The following DENND4C variants were observed in gnomAD, a reference collection of about 807,000 sequenced individuals.
The protein encoded by DENND4C is DENN domain containing 4C.
In DENND4C, 108 loss-of-function variants were observed where a neutral mutation model predicts 203.0. That is an observed-to-expected ratio of 0.53 (90% CI 0.46 to 0.62). The LOEUF is 0.62. DENND4C is among the 20% of genes least tolerant of loss of function. DENND4C has a pLI of 0.00. For missense variants in DENND4C, 2,481 were observed against 2,301.2 expected, an observed-to-expected ratio of 1.08 and a Z score of -1.60; for synonymous variants, 871 against 792.4, an observed-to-expected ratio of 1.10 and a Z score of -1.67.
Position 19,297,489 on chromosome 9 carries a change from A to G in DENND4C, c.1041-567A>G, listed in dbSNP as rs563255693. Among the ~76,000 whole-genome samples the G allele has an allele frequency of 5.9e-5, 9 of 152,282 alleles. No individual in the cohort carries two copies. In the South Asian group the frequency reaches 1.7e-3, roughly 28 times the overall value. On this transcript the variant is annotated intron_variant, in intron 6 of 32. Coordinates refer to ENST00000434457, the MANE Select transcript of DENND4C (RefSeq NM_001330640.2). ...ATGTAACATTAGTGTCAAGTTAGCAACCTTTTGAAAAATTAAGATTCTATG... is the reference window on the plus strand; with the variant it reads ...ATGTAACATTAGTGTCAAGTTAGCAGCCTTTTGAAAAATTAAGATTCTATG...
intron 2 of DENND4C, among the ~76,000 whole-genome samples, chr9:19,281,466 T>G (rs574795718): frequency 6.6e-6 from 1 of 152,230 alleles, no homozygotes; most frequent in Non-Finnish European, 1.5e-5. Flanking sequence ...TAGGAAAGCC[T>G]ATTAGCTACT....
At chr9:19,327,280 C>T (rs1159774395) in intron 15 of DENND4C, among the ~76,000 whole-genome samples, 8 of 151,782 alleles carry the variant, frequency 5.3e-5, no homozygotes, top group Non-Finnish European at 1.0e-4. Context: ...AATCCAAAGT[C>T]AATAATATAA....
At position 19,298,737 on chromosome 9, in the gene DENND4C, A is replaced by G. The variant is rs546513844; in HGVS notation, c.1108-492A>G. 2.6e-5 allele frequency among the ~76,000 whole-genome samples: 4 copies of G among 152,286 alleles called. No homozygotes were observed. The East Asian group carries it at 7.7e-4, about 29-fold the overall frequency. On this transcript the variant is annotated intron_variant, in intron 7 of 32. Coordinates refer to ENST00000434457, the MANE Select transcript of DENND4C (RefSeq NM_001330640.2). Reference sequence around the variant, plus strand: ...ACCATAACAATTAACTTACTGACATACTTAACATACTTTCAGTAGCACTGA... The same window carrying G: ...ACCATAACAATTAACTTACTGACATGCTTAACATACTTTCAGTAGCACTGA...
At chr9:19,313,486 A>G (rs1021162231) in intron 10 of DENND4C, among the ~76,000 whole-genome samples, 3 of 152,244 alleles carry the variant, frequency 2.0e-5, no homozygotes, top group Admixed American at 6.5e-5. Flanking sequence ...ATGTTAATCC[A>G]GACGATAATG....
At chr9:19,276,621 C>T in intron 2 of DENND4C, 142 bp downstream of exon 2, 1 of 480,662 alleles carries the variant, frequency 2.1e-6, no homozygotes. Flanking sequence ...CTTCAGGATT[C>T]ATTATAGTAA....
chr9:19,282,609 T>C (rs111852288), intron 2 of DENND4C, among the ~76,000 whole-genome samples: 145 of 151,832 alleles, frequency 9.6e-4, no homozygotes, highest in Middle Eastern at 3.4e-3. Context: ...CAGGCTGGCA[T>C]TGCACTCCTA....
At chr9:19,275,863 C>T (rs973954917) in intron 1 of DENND4C, among the ~76,000 whole-genome samples, 34 of 152,038 alleles carry the variant, frequency 2.2e-4, no homozygotes, top group African/African-American at 7.7e-4. Flanking sequence ...TGCCTTGGCC[C>T]CCCAAAGTGC....
At chr9:19,293,427 T>C (rs1453096073) in intron 5 of DENND4C, among the ~76,000 whole-genome samples, 2 of 151,156 alleles carry the variant, frequency 1.3e-5, no homozygotes, top group African/African-American at 4.9e-5. Context: ...GAAGTAAGGA[T>C]TGATTGTTGG....
chr9:19,352,912 T>C (rs1290798076), intron 26 of DENND4C, among the ~76,000 whole-genome samples: 2 of 152,064 alleles, frequency 1.3e-5, no homozygotes, highest in East Asian at 3.9e-4. Flanking sequence ...GGTGGGAGGA[T>C]TGCTTGAGGT....
intron 22 of DENND4C, among the ~76,000 whole-genome samples, chr9:19,345,608 C>A (rs1383689864): frequency 6.6e-6 from 1 of 152,158 alleles, no homozygotes; most frequent in South Asian, 2.1e-4. Flanking sequence ...GGAAGAGATT[C>A]TTTCTTTTTC....
intron 17 of DENND4C, among the ~76,000 whole-genome samples, chr9:19,332,715 G>C (rs944029189): frequency 9.9e-5 from 15 of 150,968 alleles, no homozygotes; most frequent in Non-Finnish European, 1.5e-4. Context: ...GCCCAGGCTG[G>C]AGTGCGGTTG....
chr9:19,254,297 G>T (rs573406469), intron 1 of DENND4C, among the ~76,000 whole-genome samples: 1 of 152,192 alleles, frequency 6.6e-6, no homozygotes, highest in African/African-American at 2.4e-5. Flanking sequence ...CATGTTAATT[G>T]TAGCATTATT....
At chr9:19,263,593 ATTG>A (rs1435678394) in intron 1 of DENND4C, among the ~76,000 whole-genome samples, 1 of 149,144 alleles carries the variant, frequency 6.7e-6, no homozygotes, top group Non-Finnish European at 1.5e-5. Context: ...TAGGTTTGCT[ATTG>A]TTTTGTTGAG....
At chr9:19,258,687 G>C (rs1182952959) in intron 1 of DENND4C, among the ~76,000 whole-genome samples, 2 of 148,902 alleles carry the variant, frequency 1.3e-5, no homozygotes, top group African/African-American at 4.9e-5. Flanking sequence ...ACAGATTCTT[G>C]CTCTGTTTCC....
At chr9:19,367,008 A>C (rs1339223799) in intron 30 of DENND4C, among the ~76,000 whole-genome samples, 1 of 152,218 alleles carries the variant, frequency 6.6e-6, no homozygotes, top group Non-Finnish European at 1.5e-5. Context: ...AGTAATAAAA[A>C]GGCAACCCAT....
intron 2 of DENND4C, among the ~76,000 whole-genome samples, chr9:19,283,992 G>T (rs539972906): frequency 5.9e-4 from 89 of 152,126 alleles, no homozygotes; most frequent in African/African-American, 2.0e-3. Context: ...TGTTTCTCCA[G>T]TTCTTTTGTT....
At chr9:19,275,237 C>G (rs928150132) in intron 1 of DENND4C, among the ~76,000 whole-genome samples, 3 of 150,818 alleles carry the variant, frequency 2.0e-5, no homozygotes, top group Non-Finnish European at 4.4e-5. Context: ...CTCGGCCTCC[C>G]AAAGTGCAGG....
intron 24 of DENND4C, among the ~76,000 whole-genome samples, chr9:19,351,767 A>G (rs1824177541): frequency 6.6e-6 from 1 of 151,134 alleles, no homozygotes; most frequent in Admixed American, 6.6e-5. Context: ...AGATTGTACC[A>G]CTGCACTCTA....
intron 7 of DENND4C, 43 bp downstream of exon 7, chr9:19,298,165 T>C (rs1316819568): frequency 1.3e-6 from 2 of 1,534,448 alleles, no homozygotes; most frequent in East Asian, 2.3e-5. Context: ...TTGCATATGC[T>C]CACCTGAGTC....
Sources: gnomAD v4.1 joint callset for allele counts (sites outside exome capture counted in the v4.1 genomes callset) on GRCh38, gnomAD v4.1.1 for gene constraint, MANE v1.5 for transcripts, NCBI Gene and HGNC (gene_info 2026-07-23, HGNC 2026-07-21) for gene names.